TGM4: variants seen among roughly 807,000 people sequenced by gnomAD.
TGM4 encodes the protein transglutaminase 4, also known as protein-glutamine gamma-glutamyltransferase 4.
TGM4 carries 61 observed loss-of-function variants against 76.3 expected under a neutral mutation model. The ratio of observed to expected loss-of-function variants is 0.80; its 90% confidence interval spans 0.65 to 0.99. TGM4 has a LOEUF of 0.99. Ranked by LOEUF, TGM4 falls within the 50% of genes least tolerant of loss-of-function variation. The pLI, the probability that TGM4 is intolerant of heterozygous loss-of-function variation, is 0.00. For synonymous variants in TGM4, 337 were observed against 329.8 expected (o/e 1.02, Z -0.24); for missense variants, 794 against 843.2 (o/e 0.94, Z 0.72).
At chr3:44,896,985 C>T (rs970291379) in intron 6 of TGM4, among the ~76,000 whole-genome samples, 169 bp downstream of exon 6, 5 of 149,578 alleles carry the variant, frequency 3.3e-5, no homozygotes, top group Non-Finnish European at 7.4e-5. Flanking sequence ...CTGTTCTGAG[C>T]GCAGGTTTTC....
chr3:44,876,166 G>A (rs952424420), intron 1 of TGM4, among the ~76,000 whole-genome samples: 9 of 152,304 alleles, frequency 5.9e-5, no homozygotes, highest in African/African-American at 1.7e-4. Context: ...CAAACCCGGC[G>A]TGTGTTCATT....
intron 9 of TGM4, among the ~76,000 whole-genome samples, chr3:44,905,194 C>T (rs1227125006): frequency 6.6e-6 from 1 of 152,116 alleles, no homozygotes; most frequent in Non-Finnish European, 1.5e-5. Flanking sequence ...CCCTGCTGGC[C>T]AGGCTTGTCT....
chr3:44,875,728 T>G (rs909573444), intron 1 of TGM4, among the ~76,000 whole-genome samples: 3 of 152,220 alleles, frequency 2.0e-5, no homozygotes, highest in Non-Finnish European at 4.4e-5. Flanking sequence ...AATGGCTGCT[T>G]TGAAACTCTG....
At chr3:44,902,040 G>A in intron 8 of TGM4, 109 bp downstream of exon 8, 3 of 1,315,966 alleles carry the variant, frequency 2.3e-6, no homozygotes, top group East Asian at 4.8e-5. Flanking sequence ...TCTTGAACTG[G>A]TGTCAAGCAG....
chr3:44,903,191 A>C (rs902113700), intron 8 of TGM4, among the ~76,000 whole-genome samples: 1 of 152,164 alleles, frequency 6.6e-6, no homozygotes, highest in African/African-American at 2.4e-5. Context: ...GGCTTTTCCT[A>C]TATACACATT....
intron 4 of TGM4, 148 bp downstream of exon 4, chr3:44,890,880 C>A: frequency 9.9e-7 from 1 of 1,006,992 alleles, no homozygotes; most frequent in Non-Finnish European, 1.4e-6. Flanking sequence ...ATCACAGACA[C>A]CAATGGAGCG....
At chr3:44,911,993 G>A (rs913807157) in intron 13 of TGM4, among the ~76,000 whole-genome samples, 1 of 152,102 alleles carries the variant, frequency 6.6e-6, no homozygotes, top group Non-Finnish European at 1.5e-5. Context: ...ACCACACCCG[G>A]CTAATTTTTG....
At chr3:44,909,165 T>C (rs148590789) in intron 10 of TGM4, among the ~76,000 whole-genome samples, 1 of 152,382 alleles carries the variant, frequency 6.6e-6, no homozygotes, top group Admixed American at 6.5e-5. Flanking sequence ...AGGGGCTCTG[T>C]GTACAAGTTA....
chr3:44,910,059 C>T (rs2125760491), intron 10 of TGM4, 31 bp from the exon 11 acceptor site: 1 of 1,600,942 alleles, frequency 6.2e-7, no homozygotes, highest in Non-Finnish European at 8.5e-7. Flanking sequence ...GAAGGAGCAC[C>T]TGAAGGAAGC....
intron 1 of TGM4, among the ~76,000 whole-genome samples, chr3:44,884,468 G>T (rs1423623332): frequency 6.6e-6 from 1 of 152,044 alleles, no homozygotes; most frequent in African/African-American, 2.4e-5. Flanking sequence ...TTTCACTTTA[G>T]CATTGAAGAA....
intron 10 of TGM4, among the ~76,000 whole-genome samples, chr3:44,909,516 C>T (rs1424283154): frequency 6.6e-6 from 1 of 152,316 alleles, no homozygotes; most frequent in East Asian, 1.9e-4. Context: ...TCAATGAAGA[C>T]AAACTCTGTG....
intron 5 of TGM4, among the ~76,000 whole-genome samples, chr3:44,893,933 C>CAGCTCTCTCCCACCCCCCAT (rs1699739326): frequency 3.3e-5 from 3 of 91,996 alleles, no homozygotes; most frequent in East Asian, 1.1e-3. Context: ...ATCCACCCCA[C>CAGCTCTCTCCCACCCCCCAT]GGCTCTCTCC....
intron 13 of TGM4, 113 bp downstream of exon 13, chr3:44,911,519 G>T: frequency 7.2e-6 from 9 of 1,253,584 alleles, no homozygotes; most frequent in East Asian, 2.4e-5. Flanking sequence ...TCAAAATGTA[G>T]ATACATTTTG....
At chr3:44,881,369 A>G (rs1269288692) in intron 1 of TGM4, among the ~76,000 whole-genome samples, 1 of 152,186 alleles carries the variant, frequency 6.6e-6, no homozygotes, top group Non-Finnish European at 1.5e-5. Flanking sequence ...GTATTAGTTT[A>G]TTTTCTGTTG....
chr3:44,911,493 G>T (rs1001657299), intron 13 of TGM4, 87 bp downstream of exon 13: 13 of 1,492,404 alleles, frequency 8.7e-6, no homozygotes, highest in Non-Finnish European at 9.1e-6. Flanking sequence ...TGAATTCCCA[G>T]TATGGGGTCA....
chr3:44,874,711 A>G lies in TGM4; in HGVS notation c.19+14A>G. ...ATGCATCAAAAGGTGAGTGGGTGAA[A>G]TCTCCATGGAGCCCCACATGCCCCT... On this transcript the variant is annotated intron_variant, in intron 1 of 13. Transcript: ENST00000296125. 1 of 1,614,080 alleles carries G rather than the reference A, an allele frequency of 6.2e-7. No homozygotes were observed. Among genetic ancestry groups the G allele is most frequent in the Non-Finnish European group, 8.5e-7 (1 of 1,180,008 alleles).
chr3:44,897,157 A>C (rs1376000065), intron 6 of TGM4, among the ~76,000 whole-genome samples: 2 of 151,934 alleles, frequency 1.3e-5, no homozygotes, highest in Non-Finnish European at 2.9e-5. Context: ...GGCACATGCC[A>C]CCACGCCCGG....
At chr3:44,876,194 G>A (rs915538726) in intron 1 of TGM4, among the ~76,000 whole-genome samples, 3 of 152,218 alleles carry the variant, frequency 2.0e-5, no homozygotes, top group Admixed American at 1.3e-4. Flanking sequence ...ACACTATGCT[G>A]CCTCCCTGCT....
chr3:44,897,040 G>A (rs1181070144), intron 6 of TGM4, among the ~76,000 whole-genome samples: 2 of 120,886 alleles, frequency 1.7e-5, no homozygotes. Flanking sequence ...GTCTCATTCT[G>A]TCACCCTGGC....
Sources: gnomAD v4.1 joint callset for allele counts (sites outside exome capture counted in the v4.1 genomes callset) on GRCh38, gnomAD v4.1.1 for gene constraint, MANE v1.5 for transcripts, NCBI Gene and HGNC (gene_info 2026-07-23, HGNC 2026-07-21) for gene names.